Variants in NEK11 observed in about 807,000 individuals in gnomAD.
NEK11 encodes the protein NIMA related kinase 11.
A neutral mutation model predicts 80.7 loss-of-function variants in NEK11; 72 were observed. That is an observed-to-expected ratio of 0.89 (90% confidence interval 0.74 to 1.08). The LOEUF (loss-of-function observed/expected upper bound fraction) is 1.08. NEK11 is among the 50% of genes least tolerant of loss of function. The pLI is 0.00. For synonymous variants in NEK11, 251 were observed against 260.7 expected (o/e 0.96, Z 0.36); for missense variants, 764 against 763.6 (o/e 1.00, Z -0.01).
rs780718602 is a variant in NEK11, at chr3:131,029,757, A to G, written c.49A>G (p.Ile17Val). 3 of 1,614,188 alleles carry G rather than the reference A, an allele frequency of 1.9e-6. No homozygotes were observed. Among genetic ancestry groups the G allele is most frequent in the African/African-American group, 2.7e-5 (2 of 75,046 alleles). The change falls in exon 3 of 18, where the codon ATT (isoleucine) becomes GTT (valine). Residue 17 changes from isoleucine to valine, a missense_variant. Coordinates refer to ENST00000383366, the MANE Select transcript of NEK11 (RefSeq NM_024800.5). ...TAAGTGTGTGAGTGGATCAACAGCC[A>G]TTTCCACTTATCCAAAGACCTTGAT... ...AAKCVSGSTA[I>V]STYPKTLIAR...
At chr3:131,108,270 C>A (rs2079512548) in intron 4 of NEK11, among the ~76,000 whole-genome samples, 1 of 152,066 alleles carries the variant, frequency 6.6e-6, no homozygotes, top group Non-Finnish European at 1.5e-5. Context: ...GAAGTAATTT[C>A]TTTTGGATTG....
intron 17 of NEK11, among the ~76,000 whole-genome samples, chr3:131,306,130 C>T (rs986397219): frequency 2.6e-5 from 4 of 152,124 alleles, no homozygotes; most frequent in African/African-American, 9.7e-5. Flanking sequence ...TCTTTTTGTA[C>T]ATGCTATCTA....
intron 14 of NEK11, among the ~76,000 whole-genome samples, chr3:131,193,760 G>C (rs776809683): frequency 2.6e-4 from 40 of 152,016 alleles, no homozygotes; most frequent in Non-Finnish European, 5.4e-4. Flanking sequence ...AATTGTTGGG[G>C]GGCCTCCTAT....
intron 17 of NEK11, among the ~76,000 whole-genome samples, chr3:131,339,296 C>T (rs559961965): frequency 7.2e-5 from 11 of 152,256 alleles, no homozygotes; most frequent in African/African-American, 2.4e-4. Context: ...CAAAGAATGT[C>T]TTCCTGAGCT....
At chr3:131,213,946 T>C (rs1488590254) in intron 14 of NEK11, among the ~76,000 whole-genome samples, 4 of 152,136 alleles carry the variant, frequency 2.6e-5, no homozygotes, top group African/African-American at 9.7e-5. Context: ...TTAGTTCCGT[T>C]GTAAGTAGAG....
At chr3:131,298,246 T>C (rs1475173095) in intron 17 of NEK11, among the ~76,000 whole-genome samples, 1 of 152,070 alleles carries the variant, frequency 6.6e-6, no homozygotes, top group African/African-American at 2.4e-5. Flanking sequence ...ATCTATAAAT[T>C]ACCTTGGGCA....
chr3:131,259,980 G>T (rs530673681), intron 16 of NEK11, among the ~76,000 whole-genome samples: 1 of 152,198 alleles, frequency 6.6e-6, no homozygotes, highest in South Asian at 2.1e-4. Context: ...GTCCACTATT[G>T]TCACAGGAGA....
chr3:131,197,527 T>C (rs1378370920), intron 14 of NEK11, among the ~76,000 whole-genome samples: 5 of 152,120 alleles, frequency 3.3e-5, no homozygotes, highest in Non-Finnish European at 4.4e-5. Flanking sequence ...GATTATTTCT[T>C]TGGGACACTT....
intron 3 of NEK11, among the ~76,000 whole-genome samples, chr3:131,055,138 A>G (rs1376643980): frequency 6.6e-6 from 1 of 152,212 alleles, no homozygotes; most frequent in East Asian, 1.9e-4. Flanking sequence ...AGACCTATCT[A>G]TCTCTTCAGG....
intron 5 of NEK11, among the ~76,000 whole-genome samples, chr3:131,110,312 C>T (rs764905606): frequency 1.3e-5 from 2 of 152,040 alleles, no homozygotes; most frequent in Non-Finnish European, 2.9e-5. Flanking sequence ...ATTGTGTGGT[C>T]GCCTTGGAAT....
intron 16 of NEK11, among the ~76,000 whole-genome samples, chr3:131,273,009 G>A (rs558565813): frequency 1.0e-3 from 155 of 152,270 alleles, no homozygotes; most frequent in Middle Eastern, 6.8e-3. Flanking sequence ...CCTCTGGTCA[G>A]CATTTTGCTT....
chr3:131,124,610 A>G lies in NEK11; in HGVS notation c.456-8135A>G, dbSNP rs149846343. On this transcript the variant is annotated intron_variant, in intron 5 of 17. Transcript: ENST00000383366. ...GGAGGAGAATGGTTATTGGGTAGGC[A>G]TTTCACAGTTCCTGCCACACCAAGA... Among the ~76,000 whole-genome samples, 812 of 152,230 alleles carry G rather than the reference A, an allele frequency of 5.3e-3. 7 individuals are homozygous for G. Among genetic ancestry groups the G allele is most frequent in the African/African-American group, 0.018 (756 of 41,526 alleles).
intron 7 of NEK11, among the ~76,000 whole-genome samples, chr3:131,144,303 T>G (rs1049876662): frequency 6.6e-6 from 1 of 152,156 alleles, no homozygotes; most frequent in African/African-American, 2.4e-5. Flanking sequence ...CTCTTCACAG[T>G]TGTCTGTATT....
intron 16 of NEK11, among the ~76,000 whole-genome samples, chr3:131,254,527 G>T (rs928382787): frequency 2.6e-5 from 4 of 152,116 alleles, no homozygotes; most frequent in Admixed American, 1.3e-4. Context: ...GAATTGAGGG[G>T]TAACAATTTT....
chr3:131,102,917 G>A (rs949510483), intron 4 of NEK11, among the ~76,000 whole-genome samples: 6 of 152,058 alleles, frequency 3.9e-5, no homozygotes, highest in African/African-American at 1.4e-4. Context: ...CGAAGAACTG[G>A]TCTTTGAGCT....
chr3:131,163,351 C>A (rs1307540751), intron 11 of NEK11, among the ~76,000 whole-genome samples: 1 of 152,088 alleles, frequency 6.6e-6, no homozygotes, highest in Non-Finnish European at 1.5e-5. Context: ...TATCCATCAA[C>A]AGATAAGGGG....
At chr3:131,277,369 C>T (rs2096311257) in intron 17 of NEK11, among the ~76,000 whole-genome samples, 1 of 152,210 alleles carries the variant, frequency 6.6e-6, no homozygotes, top group African/African-American at 2.4e-5. Context: ...GTCCATTAGG[C>T]ATCTCAAGCT....
At chr3:131,109,582 G>A (rs985944753) in intron 4 of NEK11, 11 of 426,302 alleles carry the variant, frequency 2.6e-5, no homozygotes, top group South Asian at 1.8e-4. Context: ...TAATAGATTC[G>A]TGTTTGTTAA....
chr3:131,261,059 G>A (rs951734314), intron 16 of NEK11, among the ~76,000 whole-genome samples: 1 of 152,144 alleles, frequency 6.6e-6, no homozygotes, highest in South Asian at 2.1e-4. Flanking sequence ...ATGGGTAAAG[G>A]GAAATTTTAG....
Sources: gnomAD v4.1 joint callset for allele counts (sites outside exome capture counted in the v4.1 genomes callset) on GRCh38, gnomAD v4.1.1 for gene constraint, MANE v1.5 for transcripts, NCBI Gene and HGNC (gene_info 2026-07-23, HGNC 2026-07-21) for gene names.